The following ADARB2 variants were observed in gnomAD, a reference collection of about 807,000 sequenced individuals.
ADARB2 encodes adenosine deaminase RNA specific B2 (inactive), also known as inactive double-stranded RNA-specific editase B2.
Under a neutral mutation model 62.2 loss-of-function variants are expected in ADARB2, and 25 were observed. That is an observed-to-expected ratio of 0.40 (90% CI 0.29 to 0.56). The LOEUF (loss-of-function observed/expected upper bound fraction) is 0.56. ADARB2 is among the 20% of genes least tolerant of loss of function. ADARB2 has a pLI of 0.43. For missense variants in ADARB2, 1,071 were observed against 1,077.4 expected, an observed-to-expected ratio of 0.99 and a Z score of 0.08; for synonymous variants, 572 against 500.8, an observed-to-expected ratio of 1.14 and a Z score of -1.90.
At chr10:1,637,033 T>C (rs903264486) in intron 1 of ADARB2, among the ~76,000 whole-genome samples, 2 of 152,080 alleles carry the variant, frequency 1.3e-5, no homozygotes, top group Non-Finnish European at 2.9e-5. Context: ...AGTGCCCTCA[T>C]GATTTAATAC....
At chr10:1,608,774 G>GAGAA (rs72347975) in intron 1 of ADARB2, among the ~76,000 whole-genome samples, 3,926 of 139,490 alleles carry the variant, frequency 0.028, 67 homozygotes, top group East Asian at 0.056. Flanking sequence ...GAAAGAGAAA[G>GAGAA]AGAAAGAAAG....
chr10:1,418,527 C>T (rs1481972500), intron 1 of ADARB2, among the ~76,000 whole-genome samples: 1 of 152,204 alleles, frequency 6.6e-6, no homozygotes, highest in African/African-American at 2.4e-5. Context: ...TCCTTCCACG[C>T]ACCAACAAAA....
intron 4 of ADARB2, among the ~76,000 whole-genome samples, chr10:1,244,107 T>G (rs1342875892): frequency 6.6e-6 from 1 of 152,122 alleles, no homozygotes; most frequent in Non-Finnish European, 1.5e-5. Context: ...TCCCAGAAGT[T>G]GACGAGCAGA....
intron 2 of ADARB2, among the ~76,000 whole-genome samples, chr10:1,374,265 T>C (rs527505057): frequency 3.7e-4 from 57 of 152,306 alleles, no homozygotes; most frequent in African/African-American, 1.3e-3. Flanking sequence ...GCCAGGGTCA[T>C]AGGACGATCA....
chr10:1,338,455 C>T (rs1205431471), intron 3 of ADARB2, among the ~76,000 whole-genome samples: 1 of 152,218 alleles, frequency 6.6e-6, no homozygotes, highest in Non-Finnish European at 1.5e-5. Flanking sequence ...TCAGTTTTAA[C>T]TATTTCCTCA....
intron 1 of ADARB2, among the ~76,000 whole-genome samples, chr10:1,644,233 G>A (rs867710615): frequency 4.6e-5 from 7 of 152,196 alleles, no homozygotes; most frequent in Non-Finnish European, 8.8e-5. Flanking sequence ...GGCTGCAGCC[G>A]CATTTGCGAG....
At chr10:1,555,346 G>T (rs1321303438) in intron 1 of ADARB2, among the ~76,000 whole-genome samples, 1 of 152,198 alleles carries the variant, frequency 6.6e-6, no homozygotes, top group Non-Finnish European at 1.5e-5. Flanking sequence ...GCGAATAAGT[G>T]TTCCCTTTTC....
chr10:1,413,608 C>T (rs1277174732), intron 1 of ADARB2, among the ~76,000 whole-genome samples: 1 of 152,032 alleles, frequency 6.6e-6, no homozygotes, highest in East Asian at 1.9e-4. Context: ...AACCTGGACA[C>T]AGGAAGCGCA....
intron 1 of ADARB2, among the ~76,000 whole-genome samples, chr10:1,469,249 G>A (rs759890923): frequency 2.0e-5 from 3 of 150,754 alleles, no homozygotes; most frequent in Admixed American, 1.3e-4. Context: ...GCAAAGCACC[G>A]CGGTCTGCGC....
At chr10:1,321,170 T>C (rs74118228) in intron 3 of ADARB2, among the ~76,000 whole-genome samples, 197 of 152,284 alleles carry the variant, frequency 1.3e-3, no homozygotes, top group African/African-American at 4.7e-3. Flanking sequence ...CCCCATATGA[T>C]GGTGTCATAC....
At chr10:1,298,466 A>G (rs1306172645) in intron 3 of ADARB2, among the ~76,000 whole-genome samples, 1 of 152,168 alleles carries the variant, frequency 6.6e-6, no homozygotes, top group East Asian at 1.9e-4. Flanking sequence ...TACAGCCTAT[A>G]TTTGAGATGC....
chr10:1,246,687 A>G (rs1479845341), intron 4 of ADARB2, among the ~76,000 whole-genome samples: 1 of 70,856 alleles, frequency 1.4e-5, no homozygotes, highest in African/African-American at 5.9e-5. Context: ...GTTCTGTTCC[A>G]TTGATCTATA....
At chr10:1,666,474 G>A (rs1354955237) in intron 1 of ADARB2, among the ~76,000 whole-genome samples, 2 of 152,230 alleles carry the variant, frequency 1.3e-5, no homozygotes, top group Admixed American at 6.5e-5. Flanking sequence ...TCCCCCAATC[G>A]TGTTCCCGCA....
Position 1,242,246 on chromosome 10 carries a change from T to C in ADARB2, c.1246A>G (p.Ile416Val). 6.3e-7 allele frequency: 1 copy of C among 1,592,462 alleles called. No individual in the cohort carries two copies. The highest frequency in any genetic ancestry group is 8.5e-7 in the Non-Finnish European group (1 of 1,170,908). ...VVALSSGTKCISGEHLSDQGL... is the reference protein window; with the variant it reads ...VVALSSGTKCVSGEHLSDQGL... ...TGGTCACTGAGGTGCTCGCCGCTGA[T>C]GCACTTGGTCCCCGAGGACAGGGCC... is the stretch of plus-strand genomic sequence containing the variant. Residue 416 changes from isoleucine to valine, a missense_variant, in exon 5 of 10, where the codon ATC becomes GTC. Ile to Val is a conservative substitution (Grantham distance 29, BLOSUM62 3). Coordinates refer to ENST00000381312, the MANE Select transcript of ADARB2 (RefSeq NM_018702.4).
At chr10:1,297,494 G>A (rs1831533614) in intron 3 of ADARB2, among the ~76,000 whole-genome samples, 1 of 152,128 alleles carries the variant, frequency 6.6e-6, no homozygotes, top group Non-Finnish European at 1.5e-5. Context: ...ATAAGGTGGG[G>A]CCTTGTGGTT....
At chr10:1,508,067 C>G (rs560579460) in intron 1 of ADARB2, among the ~76,000 whole-genome samples, 6 of 152,164 alleles carry the variant, frequency 3.9e-5, no homozygotes, top group Non-Finnish European at 7.3e-5. Context: ...ACACAATTCC[C>G]GAGTGGTGCG....
At chr10:1,215,559 G>A (rs980266010) in intron 7 of ADARB2, 9 of 152,268 alleles carry the variant, frequency 5.9e-5, no homozygotes, top group African/African-American at 2.2e-4. Context: ...TCCTTACAGA[G>A]GGTCTCAGGG....
At chr10:1,396,785 C>A (rs1832619141) in intron 1 of ADARB2, among the ~76,000 whole-genome samples, 1 of 57,224 alleles carries the variant, frequency 1.7e-5, no homozygotes, top group Non-Finnish European at 3.7e-5. Flanking sequence ...CTCCTCTCCC[C>A]TCCCGAGTGG....
intron 1 of ADARB2, among the ~76,000 whole-genome samples, chr10:1,632,322 TACTC>T (rs760275771): frequency 2.6e-5 from 4 of 151,762 alleles, no homozygotes; most frequent in Non-Finnish European, 5.9e-5. Context: ...AGGCACACAA[TACTC>T]ACGTGCACAC....
Sources: gnomAD v4.1 joint callset for allele counts (sites outside exome capture counted in the v4.1 genomes callset) on GRCh38, gnomAD v4.1.1 for gene constraint, MANE v1.5 for transcripts, NCBI Gene and HGNC (gene_info 2026-07-23, HGNC 2026-07-21) for gene names.